The following BRD1 variants were observed in gnomAD, a reference collection of about 807,000 sequenced individuals.
The protein encoded by BRD1 is bromodomain-containing protein 1.
A neutral mutation model predicts 107.7 loss-of-function variants in BRD1; 24 were observed. The ratio of observed to expected loss-of-function variants is 0.22; its 90% CI spans 0.16 to 0.31. The LOEUF is 0.31. Among genes scored for constraint, BRD1 ranks in the 10% least tolerant of loss-of-function variants. The pLI is 1.00. For missense variants in BRD1, 1,279 were observed against 1,638.6 expected, an observed-to-expected ratio of 0.78 and a Z score of 3.79; for synonymous variants, 744 against 686.1, an observed-to-expected ratio of 1.08 and a Z score of -1.32.
In BRD1 at chr22:49,798,574, G is replaced by C. The variant is rs1253786397; in HGVS notation, c.1769C>G (p.Pro590Arg). ...DKDPARIFAQ[P>R]VSLKEVPDYL... ...AACACCCACCTCCTTCAGACTCACG[G>C]GCTGCGCAAATATCCTGGCGGGGTC... The change falls in exon 5 of 13, where the codon CCC becomes CGC. Residue 590 changes from proline to arginine, a missense_variant. Coordinates refer to ENST00000404760, the MANE Select transcript of BRD1 (RefSeq NM_001304808.3). 1 of 1,614,070 alleles carries C rather than the reference G, an allele frequency of 6.2e-7. No homozygotes were observed. The highest frequency in any genetic ancestry group is 8.5e-7 in the Non-Finnish European group (1 of 1,180,040).
At position 49,824,020 on chromosome 22, in the gene BRD1, T is replaced by C; in HGVS notation, c.298A>G (p.Lys100Glu). The change falls in exon 2 of 13, where the codon AAA (lysine) becomes GAA (glutamate). Residue 100 changes from lysine (K) to glutamate (E), a missense_variant. By Grantham distance (56) the Lys-to-Glu change is moderately conservative. Around this residue, in one of 7 missense-constraint regions of BRD1, gnomAD observed 223 missense variants for 263.5 expected, o/e 0.85. Coordinates refer to ENST00000404760, the MANE Select transcript of BRD1 (RefSeq NM_001304808.3). This position sits in a 1 kb window ranked among gnomAD's most constrained non-coding sequence, Gnocchi z 5.9. The stretch of plus-strand genomic sequence containing the variant: ...TGGGCGCTGGGGAGGGCCTCGTTTT[T>C]CTTTTTGACTCTGTTGTTTTTGTGA... ...KRHKNNRVKK[K>E]NEALPSAHGT... The C allele has an allele frequency of 6.2e-7, 1 of 1,613,900 alleles. No homozygotes were observed. Among genetic ancestry groups the C allele is most frequent in the Non-Finnish European group, 8.5e-7 (1 of 1,180,032 alleles).
chr22:49,808,308 A>C (rs1569124838), intron 2 of BRD1, among the ~76,000 whole-genome samples: 1 of 152,252 alleles, frequency 6.6e-6, no homozygotes, highest in Non-Finnish European at 1.5e-5. Context: ...GGGTAAGCAA[A>C]AGCTTATCTC....
chr22:49,801,788 C>T, intron 3 of BRD1, among the ~76,000 whole-genome samples: 1 of 152,222 alleles, frequency 6.6e-6, no homozygotes, highest in South Asian at 2.1e-4. Flanking sequence ...CAGGTTCCAG[C>T]GGGTCACCTC....
At chr22:49,779,995 G>A (rs74426391) in intron 8 of BRD1, among the ~76,000 whole-genome samples, 4,310 of 152,234 alleles carry the variant, frequency 0.028, 223 homozygotes, top group African/African-American at 0.099. Context: ...CCAGGTGCAG[G>A]GTGAGCCTGC....
In BRD1 at chr22:49,774,427, G is replaced by A. The variant is rs1569077828; in HGVS notation, c.3387-11C>T. On this transcript the variant is annotated splice_polypyrimidine_tract_variant and intron_variant, in intron 12 of 12. Transcript: ENST00000404760. ...TTAGGAAGCCACTGCCTTTTTAAAA[G>A]GAAAAACAAGCGGAAAATCATTGCT... 9 of 1,594,246 alleles carry A rather than the reference G, an allele frequency of 5.6e-6. No homozygotes were observed. Among genetic ancestry groups the A allele is most frequent in the Non-Finnish European group, 6.9e-6 (8 of 1,166,870 alleles).
chr22:49,789,222 C>T (rs2059385799), intron 7 of BRD1, among the ~76,000 whole-genome samples: 1 of 152,170 alleles, frequency 6.6e-6, no homozygotes, highest in Non-Finnish European at 1.5e-5. Flanking sequence ...GGGGCACATG[C>T]GAGGTGACAA....
chr22:49,800,207 G>A (rs556812400), intron 3 of BRD1, among the ~76,000 whole-genome samples: 98 of 152,208 alleles, frequency 6.4e-4, no homozygotes, highest in Middle Eastern at 3.4e-3. Flanking sequence ...CAAGGACCCC[G>A]GACTCCAAAC....
chr22:49,787,307 C>CA lies in BRD1; in HGVS notation c.2857+82_2857+83insT, dbSNP rs11433251. The CA allele has an allele frequency of 1.3e-5, 14 of 1,042,108 alleles. No individual in the cohort carries two copies. In the Admixed American group the frequency reaches 1.9e-4, roughly 14 times the overall value. 64.6% of individuals were successfully genotyped at this position (1,042,108 alleles called of 1,614,324 possible). On this transcript the variant is annotated intron_variant, in intron 8 of 12. Transcript: ENST00000404760. ...AAAAACAGAAGCTGGACACCCCCCC[C>CA]CCCCCGTCACACCAATGATCCTGAA...
intron 1 of BRD1, among the ~76,000 whole-genome samples, chr22:49,825,249 G>A (rs1372151081): frequency 6.6e-6 from 1 of 152,122 alleles, no homozygotes; most frequent in Non-Finnish European, 1.5e-5. Context: ...ACACGTGAAG[G>A]CAGACGCTCC....
chr22:49,800,160 G>C (rs1461852577), intron 3 of BRD1, among the ~76,000 whole-genome samples: 1 of 152,152 alleles, frequency 6.6e-6, no homozygotes, highest in Non-Finnish European at 1.5e-5. Flanking sequence ...TCAAAGGACC[G>C]AGGGTGTGAA....
Position 49,787,861 on chromosome 22 carries a change from G to A in BRD1, c.2386C>T (p.Pro796Ser). Reference sequence around the variant, plus strand: ...GAAGGAAGAGGTAATGCATCTGATGGTTCAAGTTTAGGGGGAGATTTATCT... The same window carrying A: ...GAAGGAAGAGGTAATGCATCTGATGATTCAAGTTTAGGGGGAGATTTATCT... ...EGDKSPPKLE[P>S]SDALPLPSNS... Residue 796 changes from proline (P) to serine (S), a missense_variant, in exon 8 of 13, where the codon CCA becomes TCA. Pro to Ser is a moderately conservative substitution (Grantham distance 74). This residue lies in a region of BRD1 where 406 missense variants were observed against 519.4 expected (regional missense o/e 0.78). Coordinates refer to ENST00000404760, the MANE Select transcript of BRD1 (RefSeq NM_001304808.3). 1.9e-6 allele frequency: 3 copies of A among 1,542,736 alleles called. No homozygotes were observed. Among genetic ancestry groups the A allele is most frequent in the Non-Finnish European group, 2.6e-6 (3 of 1,141,508 alleles).
Position 49,797,838 on chromosome 22 carries a change from C to T in BRD1, c.2065G>A (p.Ala689Thr). 1.2e-6 allele frequency: 2 copies of T among 1,608,470 alleles called. No individual in the cohort carries two copies. The highest frequency in any genetic ancestry group is 1.7e-6 in the Non-Finnish European group (2 of 1,177,706). Reference protein sequence around the residue: ...SGMHLPERPAAAPRRPFSWED... With the variant: ...SGMHLPERPATAPRRPFSWED... The stretch of plus-strand genomic sequence containing the variant: ...CAGGAGAAAGGCCGCCGCGGTGCCG[C>T]AGCAGGCCGCTCAGGCAGGTGCATC... Residue 689 changes from alanine to threonine, a missense_variant, in exon 6 of 13, where the codon GCG becomes ACG. By Grantham distance (58) the Ala-to-Thr change is moderately conservative. This residue lies in a region of BRD1 where 406 missense variants were observed against 519.4 expected (regional missense o/e 0.78). Transcript: ENST00000404760.
At position 49,798,084 on chromosome 22, in the gene BRD1, T is replaced by C. The variant is rs374620832; in HGVS notation, c.1819A>G (p.Met607Val). The change falls in exon 6 of 13, where the codon ATG (methionine) becomes GTG (valine). Residue 607 changes from methionine (M) to valine (V), a missense_variant. Met to Val is a conservative substitution (Grantham distance 21). Transcript: ENST00000404760. ...CGTTTCCTCATTGTGGCAAAGTCCA[T>C]GGGATGTTTAATGTGATCCAAATAA... ...PDYLDHIKHP[M>V]DFATMRKRLE... 4.3e-6 allele frequency: 7 copies of C among 1,613,158 alleles called. No individual in the cohort carries two copies. The highest frequency in any genetic ancestry group is 2.7e-5 in the African/African-American group (2 of 74,894).
At chr22:49,810,212 A>G (rs576618740) in intron 2 of BRD1, among the ~76,000 whole-genome samples, 28 of 152,304 alleles carry the variant, frequency 1.8e-4, no homozygotes, top group African/African-American at 6.7e-4. Context: ...GTAAAGGTAG[A>G]AATTATCATA....
In BRD1 at chr22:49,824,018, T is replaced by C. The variant is rs771673887; in HGVS notation, c.300A>G (p.Lys100=). 1.2e-6 allele frequency: 2 copies of C among 1,613,772 alleles called. No individual in the cohort carries two copies. The highest frequency in any genetic ancestry group is 1.7e-6 in the Non-Finnish European group (2 of 1,180,034). The change falls in exon 2 of 13, where the codon AAA becomes AAG. Residue 100 remains lysine (K), a synonymous_variant. Coordinates refer to ENST00000404760, the MANE Select transcript of BRD1 (RefSeq NM_001304808.3). This position sits in a 1 kb window ranked among gnomAD's most constrained non-coding sequence, Gnocchi z 5.9. Reference sequence around the variant, plus strand: ...CGTGGGCGCTGGGGAGGGCCTCGTTTTTCTTTTTGACTCTGTTGTTTTTGT... The same window carrying C: ...CGTGGGCGCTGGGGAGGGCCTCGTTCTTCTTTTTGACTCTGTTGTTTTTGT... ...KRHKNNRVKK[K]NEALPSAHGT...
chr22:49,786,317 C>T (rs971631906), intron 8 of BRD1, among the ~76,000 whole-genome samples: 10 of 152,206 alleles, frequency 6.6e-5, no homozygotes, highest in African/African-American at 2.4e-4. Flanking sequence ...CCGATGACAG[C>T]TGCTCCTCTT....
chr22:49,818,818 G>A (rs2060006354), intron 2 of BRD1, among the ~76,000 whole-genome samples: 1 of 151,990 alleles, frequency 6.6e-6, no homozygotes, highest in African/African-American at 2.4e-5. Flanking sequence ...CCCGGGAGGT[G>A]GAGCTTGTAG....
intron 2 of BRD1, among the ~76,000 whole-genome samples, chr22:49,812,104 CTTT>C (rs374572699): frequency 0.043 from 5,303 of 123,400 alleles, 367 homozygotes; most frequent in African/African-American, 0.17. Flanking sequence ...CAGTCTGCTC[CTTT>C]TTTTTTTTTT....
chr22:49,795,382 C>T (rs991343409), intron 6 of BRD1, among the ~76,000 whole-genome samples: 5 of 151,644 alleles, frequency 3.3e-5, no homozygotes, highest in African/African-American at 1.2e-4. Context: ...CTGTGCACTC[C>T]CAAATACTGA....
Sources: allele counts gnomAD v4.1 joint callset (sites outside exome capture counted in the v4.1 genomes callset), GRCh38; gene constraint gnomAD v4.1.1; regional missense constraint gnomAD v4.1.1; non-coding constraint Gnocchi (gnomAD v3.1); transcripts MANE v1.5; gene names NCBI Gene and HGNC (gene_info 2026-07-23, HGNC 2026-07-21).